Variants in SLC25A13 observed in about 807,000 individuals in gnomAD.
SLC25A13 encodes electrogenic aspartate/glutamate antiporter SLC25A13, mitochondrial.
Under a neutral mutation model 85.5 loss-of-function variants are expected in SLC25A13, and 70 were observed. The ratio of observed to expected loss-of-function variants is 0.82; its 90% confidence interval spans 0.68 to 1.00. The LOEUF (loss-of-function observed/expected upper bound fraction) is 1.00. SLC25A13 is among the 50% of genes least tolerant of loss of function. SLC25A13 has a pLI of 0.00. For synonymous variants in SLC25A13, 259 were observed against 288.7 expected (o/e 0.90, Z 1.04); for missense variants, 765 against 819.8 (o/e 0.93, Z 0.82).
chr7:96,321,522 T>C (rs541626477), intron 1 of SLC25A13, among the ~76,000 whole-genome samples: 3 of 151,912 alleles, frequency 2.0e-5, no homozygotes, highest in African/African-American at 4.9e-5. Flanking sequence ...GCCCGGGCTC[T>C]GGCCCCTGGA....
At chr7:96,158,649 G>T (rs1250796204) in intron 13 of SLC25A13, among the ~76,000 whole-genome samples, 4 of 152,136 alleles carry the variant, frequency 2.6e-5, no homozygotes. Flanking sequence ...GTGCTTACAC[G>T]TGTCAAAAAT....
At chr7:96,190,211 A>G (rs1377293924) in intron 7 of SLC25A13, among the ~76,000 whole-genome samples, 1 of 151,654 alleles carries the variant, frequency 6.6e-6, no homozygotes, top group Non-Finnish European at 1.5e-5. Flanking sequence ...CAGCCTCCCA[A>G]GGAGCTGGAA....
chr7:96,305,591 T>C (rs1365444537), intron 1 of SLC25A13, among the ~76,000 whole-genome samples: 1 of 152,212 alleles, frequency 6.6e-6, no homozygotes, highest in African/African-American at 2.4e-5. Flanking sequence ...AAAAACTGAT[T>C]GTGCTATTCT....
At chr7:96,234,021 A>C (rs1796652161) in intron 4 of SLC25A13, among the ~76,000 whole-genome samples, 1 of 152,214 alleles carries the variant, frequency 6.6e-6, no homozygotes, top group Admixed American at 6.5e-5. Context: ...ATTCTTCATG[A>C]GCAATGCTAC....
At chr7:96,196,090 A>G (rs1795051589) in intron 5 of SLC25A13, among the ~76,000 whole-genome samples, 2 of 152,234 alleles carry the variant, frequency 1.3e-5, no homozygotes, top group African/African-American at 4.8e-5. Flanking sequence ...AGTGAAAAGT[A>G]TTCTGTAAAA....
chr7:96,287,648 G>A (rs1428838574), intron 2 of SLC25A13, among the ~76,000 whole-genome samples: 1 of 152,172 alleles, frequency 6.6e-6, no homozygotes, highest in Non-Finnish European at 1.5e-5. Flanking sequence ...GGACCATGTG[G>A]CCTCCTCGAA....
At position 96,121,244 on chromosome 7, in the gene SLC25A13, G is replaced by C. The variant is rs749897928; in HGVS notation, c.1975C>G (p.Pro659Ala). 6.2e-7 allele frequency: 1 copy of C among 1,614,134 alleles called. No homozygotes were observed. The highest frequency in any genetic ancestry group is 1.1e-5 in the South Asian group (1 of 91,080). ...GIENKFGLYL[P>A]LFKPSVSTSK... ...GTAGATACTGATGGCTTGAAGAGAG[G>C]TAGGTAAAGTCCAAATTTGTTTTCA... The change falls in exon 18 of 18, where the codon CCT becomes GCT. Residue 659 changes from proline to alanine, a missense_variant. Physicochemically the swap from Pro to Ala is conservative, Grantham distance 27. Coordinates refer to ENST00000265631, the MANE Select transcript of SLC25A13 (RefSeq NM_014251.3).
rs79897877 is a variant in SLC25A13, at chr7:96,262,522, TA to T, written c.212+14673del. On this transcript the variant is annotated intron_variant, in intron 3 of 17. Coordinates refer to ENST00000265631, the MANE Select transcript of SLC25A13 (RefSeq NM_014251.3). The stretch of plus-strand genomic sequence containing the variant: ...GTGTTCCAAAAACTACTCCTCAGTT[TA>T]AAAAAAAAGAGTAAGAGGTAAGCAA... Among the ~76,000 whole-genome samples the T allele has an allele frequency of 8.6e-5, 13 of 150,848 alleles. No homozygotes were observed. In the East Asian group the frequency reaches 1.8e-3, roughly 20 times the overall value.
chr7:96,296,320 T>C (rs1430988302), intron 2 of SLC25A13, among the ~76,000 whole-genome samples: 2 of 151,974 alleles, frequency 1.3e-5, no homozygotes, highest in Non-Finnish European at 2.9e-5. Flanking sequence ...GGTAAATGGG[T>C]TGCAAAACTG....
intron 3 of SLC25A13, among the ~76,000 whole-genome samples, chr7:96,250,739 C>CAAAAAAAAAAAAAAAAAA (rs57574466): frequency 8.4e-6 from 1 of 118,374 alleles, no homozygotes; most frequent in African/African-American, 3.2e-5. Context: ...AGACCTGTTA[C>CAAAAAAAAAAAAAAAAAA]AAAAAAAAAA....
intron 1 of SLC25A13, among the ~76,000 whole-genome samples, chr7:96,303,136 C>T (rs761855989): frequency 1.1e-4 from 16 of 151,966 alleles, no homozygotes; most frequent in African/African-American, 1.2e-4. Context: ...CGTTAGGACC[C>T]GAGGCCCAAC....
intron 3 of SLC25A13, among the ~76,000 whole-genome samples, chr7:96,260,394 C>A (rs62472369): frequency 1.3e-5 from 2 of 151,908 alleles, no homozygotes; most frequent in East Asian, 3.9e-4. Flanking sequence ...GCAATTAAAA[C>A]ACAAACATAT....
chr7:96,275,049 G>C (rs1185929327), intron 3 of SLC25A13, among the ~76,000 whole-genome samples: 1 of 152,178 alleles, frequency 6.6e-6, no homozygotes, highest in Admixed American at 6.6e-5. Context: ...TGTGAAGAAA[G>C]TCATTGGTAG....
At chr7:96,313,592 T>A (rs1009182127) in intron 1 of SLC25A13, among the ~76,000 whole-genome samples, 1 of 151,748 alleles carries the variant, frequency 6.6e-6, no homozygotes, top group African/African-American at 2.4e-5. Flanking sequence ...ATGGCAACAA[T>A]AGACACTGGG....
intron 4 of SLC25A13, among the ~76,000 whole-genome samples, chr7:96,223,302 G>A (rs1057137055): frequency 1.3e-5 from 2 of 152,254 alleles, no homozygotes; most frequent in Admixed American, 6.5e-5. Context: ...AAAATTGCAC[G>A]TAAAACATAT....
chr7:96,289,948 C>CACAT (rs1799049541), intron 2 of SLC25A13, among the ~76,000 whole-genome samples: 1 of 152,086 alleles, frequency 6.6e-6, no homozygotes, highest in African/African-American at 2.4e-5. Flanking sequence ...AAGTCCAAGA[C>CACAT]ACATAACTGT....
chr7:96,267,407 A>G (rs1247325318), intron 3 of SLC25A13, among the ~76,000 whole-genome samples: 1 of 152,236 alleles, frequency 6.6e-6, no homozygotes, highest in African/African-American at 2.4e-5. Flanking sequence ...TATAGGCCAC[A>G]TATTTCTAAA....
chr7:96,203,970 G>A (rs185689298), intron 5 of SLC25A13, among the ~76,000 whole-genome samples: 24 of 152,282 alleles, frequency 1.6e-4, no homozygotes, highest in African/African-American at 4.1e-4. Flanking sequence ...GAGTGGGAAC[G>A]GCATCGTATT....
chr7:96,163,829 T>A (rs1157070443), intron 13 of SLC25A13, among the ~76,000 whole-genome samples: 1 of 152,104 alleles, frequency 6.6e-6, no homozygotes, highest in Non-Finnish European at 1.5e-5. Context: ...CAAACTCCAA[T>A]ACACCTATTC....
Sources: gnomAD v4.1 joint callset for allele counts (sites outside exome capture counted in the v4.1 genomes callset) on GRCh38, gnomAD v4.1.1 for gene constraint, MANE v1.5 for transcripts, NCBI Gene and HGNC (gene_info 2026-07-23, HGNC 2026-07-21) for gene names.